Variants in ANTKMT observed in about 807,000 individuals in gnomAD.
The protein encoded by ANTKMT is adenine nucleotide translocase lysine N-methyltransferase.
Under a neutral mutation model 20.7 loss-of-function variants are expected in ANTKMT, and 24 were observed. The observed-to-expected ratio is 1.16, with a 90% CI of 0.84 to 1.63. The LOEUF (loss-of-function observed/expected upper bound fraction) is 1.63, where lower values mean the gene tolerates loss of function less well. ANTKMT is among the 40% of genes most tolerant of loss of function. The probability of loss-of-function intolerance (pLI) is 0.00; values close to 1 mark genes in which losing one functional copy is unlikely to be tolerated. For synonymous variants in ANTKMT, 193 were observed against 161.2 expected (o/e 1.20, Z -1.49); for missense variants, 428 against 334.8 (o/e 1.28, Z -2.17).
At chr16:722,020 G>A (rs2040245978) in intron 3 of ANTKMT, 64 bp from the exon 4 acceptor site, 1 of 1,556,398 alleles carries the variant, frequency 6.4e-7, no homozygotes, top group South Asian at 1.2e-5. Context: ...CCGGGACTCG[G>A]AAGCTGCGAT....
At position 722,244 on chromosome 16, in the gene ANTKMT, GTGAGCGCGGC is replaced by G. The variant is rs1365153842; in HGVS notation, c.460-62_460-53del. ...GGGTGCTAGGCTTGGGGCTAGGGGG[GTGAGCGCGGC>G]TGTTTTCTACCGGCCCCGCCCCCGC... On this transcript the variant is annotated intron_variant, in intron 4 of 4. Transcript: ENST00000569529. 1.9e-6 allele frequency: 3 copies of G among 1,585,778 alleles called. No homozygotes were observed. In the East Asian group the frequency reaches 7.0e-5, roughly 37 times the overall value.
chr16:721,379 C>A lies in ANTKMT; in HGVS notation c.105C>A (p.Tyr35Ter). Residue 35 changes from tyrosine (Y) to a stop codon, truncating the protein, a stop_gained, in exon 1 of 5, where the codon TAC becomes TAA. Transcript: ENST00000569529. LOFTEE classifies it high-confidence loss of function. ...CGGCCGGCTCGGGCTTGGCAGCCTA[C>A]GCGGTGTGGGCGCTGCTGCTCCAGC... ...QAAAGSGLAA[Y>*]AVWALLLQPG... The A allele has an allele frequency of 7.6e-7, 1 of 1,322,360 alleles. No homozygotes were observed. The highest frequency in any genetic ancestry group is 9.6e-7 in the Non-Finnish European group (1 of 1,040,420). 81.9% of individuals were successfully genotyped at this position (1,322,360 alleles called of 1,614,324 possible).
At position 721,614 on chromosome 16, in the gene ANTKMT, C is replaced by T; in HGVS notation, c.179C>T (p.Ala60Val). 6.5e-7 allele frequency: 1 copy of T among 1,544,114 alleles called. No individual in the cohort carries two copies. The highest frequency in any genetic ancestry group is 8.7e-7 in the Non-Finnish European group (1 of 1,145,432). Residue 60 changes from alanine to valine, a missense_variant, in exon 2 of 5, where the codon GCG (alanine) becomes GTG (valine). Physicochemically the swap from Ala to Val is moderately conservative, Grantham distance 64. Transcript: ENST00000569529. ...CCGGTCCAGGTGCCCTACGTCGGCGCGAGCGCGCGGCAGGTGGAGCACGTG... is the reference window on the plus strand; with the variant it reads ...CCGGTCCAGGTGCCCTACGTCGGCGTGAGCGCGCGGCAGGTGGAGCACGTG... ...PLRLQVPYVG[A>V]SARQVEHVLS...
At position 722,444 on chromosome 16, in the gene ANTKMT, G is replaced by A; in HGVS notation, c.595G>A (p.Val199Ile). 6.2e-7 allele frequency: 1 copy of A among 1,610,812 alleles called. No individual in the cohort carries two copies. Among genetic ancestry groups the A allele is most frequent in the Non-Finnish European group, 8.5e-7 (1 of 1,179,048 alleles). The change falls in exon 5 of 5, where the codon GTT becomes ATT. Residue 199 changes from valine (V) to isoleucine (I), a missense_variant. Physicochemically the swap from Val to Ile is conservative, Grantham distance 29. Coordinates refer to ENST00000569529, the MANE Select transcript of ANTKMT (RefSeq NM_023933.3). ...EGLDRVWAYD[V>I]PEGGQAGEAA... ...CCTGGACCGAGTATGGGCTTATGAT[G>A]TTCCTGAGGGTGGGCAGGCTGGGGA...
chr16:721,767 C>T (rs1294942922), intron 2 of ANTKMT, 34 bp from the exon 3 acceptor site: 1 of 1,537,438 alleles, frequency 6.5e-7, no homozygotes, highest in Non-Finnish European at 8.8e-7. Context: ...CGCCCCTGCC[C>T]ACATCCTGGT....
chr16:721,816 A>G lies in ANTKMT; in HGVS notation c.283A>G (p.Arg95Gly). ...GDGRIVLAAH[R>G]CGLRPAVGYE... ...GTGCCCACAGGTGCTGGCGGCCCAC[A>G]GGTGCGGCCTCCGCCCGGCCGTGGG... The change falls in exon 3 of 5, where the codon AGG becomes GGG. Residue 95 changes from arginine (R) to glycine (G), a missense_variant. Coordinates refer to ENST00000569529, the MANE Select transcript of ANTKMT (RefSeq NM_023933.3). The G allele has an allele frequency of 3.2e-6, 5 of 1,551,924 alleles. No individual in the cohort carries two copies. The highest frequency in any genetic ancestry group is 3.5e-6 in the Non-Finnish European group (4 of 1,152,418).
chr16:722,149 G>C lies in ANTKMT; in HGVS notation c.459+15G>C. 1 of 1,602,056 alleles carries C rather than the reference G, an allele frequency of 6.2e-7. No individual in the cohort carries two copies. Among genetic ancestry groups the C allele is most frequent in the South Asian group, 1.1e-5 (1 of 89,360 alleles). On this transcript the variant is annotated intron_variant, in intron 4 of 4. Coordinates refer to ENST00000569529, the MANE Select transcript of ANTKMT (RefSeq NM_023933.3). ...CCCCTAGCGTGGTAGGTGCGGGGTT[G>C]CCAGCCCCGCTGGGAAGCCCCAGCC...
At chr16:721,993 C>A (rs768261938) in intron 3 of ANTKMT, 52 bp downstream of exon 3, 189 of 1,552,112 alleles carry the variant, frequency 1.2e-4, no homozygotes, top group Middle Eastern at 5.1e-4. Flanking sequence ...GCGGCTGACA[C>A]CTGCGAGGGC....
At chr16:721,499 G>C in intron 1 of ANTKMT, 63 bp downstream of exon 1, 1 of 1,423,746 alleles carries the variant, frequency 7.0e-7, no homozygotes, top group East Asian at 2.9e-5. Flanking sequence ...CAAGGTCTGG[G>C]CGTGGCCGGG....
Position 722,365 on chromosome 16 carries a change from G to A in ANTKMT, c.516G>A (p.Val172=), listed in dbSNP as rs1229101231. The A allele has an allele frequency of 1.9e-6, 3 of 1,605,236 alleles. No individual in the cohort carries two copies. Among genetic ancestry groups the A allele is most frequent in the African/African-American group, 1.3e-5 (1 of 74,960 alleles). ...RTELPAGARV[V]SGRFPLPTWQ... is the part of the protein sequence containing the mutation. Reference sequence around the variant, plus strand: ...AGCTGCCTGCTGGGGCCCGCGTGGTGTCTGGGCGCTTCCCACTCCCCACCT... The same window carrying A: ...AGCTGCCTGCTGGGGCCCGCGTGGTATCTGGGCGCTTCCCACTCCCCACCT... Residue 172 remains valine, a synonymous_variant, in exon 5 of 5, where the codon GTG becomes GTA. Transcript: ENST00000569529.
chr16:722,390 T>C lies in ANTKMT; in HGVS notation c.541T>C (p.Trp181Arg). 6.2e-7 allele frequency: 1 copy of C among 1,601,608 alleles called. No individual in the cohort carries two copies. Among genetic ancestry groups the C allele is most frequent in the South Asian group, 1.1e-5 (1 of 89,644 alleles). Reference protein sequence around the residue: ...VVSGRFPLPTWQPVTAVGEGL... With the variant: ...VVSGRFPLPTRQPVTAVGEGL... ...GTCTGGGCGCTTCCCACTCCCCACC[T>C]GGCAGCCTGTGACCGCGGTTGGCGA... Residue 181 changes from tryptophan (W) to arginine (R), a missense_variant, in exon 5 of 5, where the codon TGG becomes CGG. Physicochemically the swap from Trp to Arg is moderately radical, Grantham distance 101. Transcript: ENST00000569529.
At position 722,378 on chromosome 16, in the gene ANTKMT, C is replaced by G. The variant is rs1289183439; in HGVS notation, c.529C>G (p.Pro177Ala). Residue 177 changes from proline (P) to alanine (A), a missense_variant, in exon 5 of 5, where the codon CCA becomes GCA. Transcript: ENST00000569529. ...AGARVVSGRF[P>A]LPTWQPVTAV... ...GGCCCGCGTGGTGTCTGGGCGCTTC[C>G]CACTCCCCACCTGGCAGCCTGTGAC... 2 of 1,602,768 alleles carry G rather than the reference C, an allele frequency of 1.2e-6. No individual in the cohort carries two copies. The highest frequency in any genetic ancestry group is 1.7e-5 in the Admixed American group (1 of 58,592).
Position 721,800 on chromosome 16 carries a change from G to A in ANTKMT, c.268-1G>A, listed in dbSNP as rs1596588412. On this transcript the variant is annotated splice_acceptor_variant, in intron 2 of 4. Coordinates refer to ENST00000569529, the MANE Select transcript of ANTKMT (RefSeq NM_023933.3). LOFTEE classifies it high-confidence loss of function. ...GGTTCCCACACTCTCGGTGCCCACAGGTGCTGGCGGCCCACAGGTGCGGCC... is the reference window on the plus strand; with the variant it reads ...GGTTCCCACACTCTCGGTGCCCACAAGTGCTGGCGGCCCACAGGTGCGGCC... 1.3e-6 allele frequency: 2 copies of A among 1,544,320 alleles called. No individual in the cohort carries two copies. Among genetic ancestry groups the A allele is most frequent in the Middle Eastern group, 1.7e-4 (1 of 5,926 alleles).
intron 4 of ANTKMT, 67 bp from the exon 5 acceptor site, chr16:722,242 G>C (rs1245089879): frequency 3.8e-6 from 6 of 1,584,940 alleles, no homozygotes; most frequent in Non-Finnish European, 5.1e-6. Flanking sequence ...GGGGCTAGGG[G>C]GGTGAGCGCG....
chr16:721,614 C>G lies in ANTKMT; in HGVS notation c.179C>G (p.Ala60Gly). The G allele has an allele frequency of 6.5e-7, 1 of 1,544,114 alleles. No homozygotes were observed. Among genetic ancestry groups the G allele is most frequent in the South Asian group, 1.2e-5 (1 of 83,606 alleles). The change falls in exon 2 of 5, where the codon GCG becomes GGG. Residue 60 changes from alanine to glycine, a missense_variant. Coordinates refer to ENST00000569529, the MANE Select transcript of ANTKMT (RefSeq NM_023933.3). ...PLRLQVPYVG[A>G]SARQVEHVLS... ...CCGGTCCAGGTGCCCTACGTCGGCG[C>G]GAGCGCGCGGCAGGTGGAGCACGTG... is the stretch of plus-strand genomic sequence containing the variant.
rs1596586986 is a variant in ANTKMT at position 721,433 on chromosome 16, G to C, written c.159G>C (p.Leu53=). The change falls in exon 1 of 5, where the codon CTG becomes CTC. Residue 53 remains leucine, a synonymous_variant. Transcript: ENST00000569529. ...QPGFRRVPLR[L]QVPYVGASAR... ...GCTTCCGGCGCGTGCCGCTGCGGCTGCAGGTGCGGGGCGGGGCCAGGCCGG... is the reference window on the plus strand; with the variant it reads ...GCTTCCGGCGCGTGCCGCTGCGGCTCCAGGTGCGGGGCGGGGCCAGGCCGG... 5 of 1,301,546 alleles carry C rather than the reference G, an allele frequency of 3.8e-6. No individual in the cohort carries two copies. The highest frequency in any genetic ancestry group is 3.1e-5 in the African/African-American group (2 of 64,452). The allele number at this position is 1,301,546 out of a possible 1,614,324, so 80.6% of individuals were successfully genotyped here.
chr16:721,226 A>ACC lies in ANTKMT; in HGVS notation c.-47_-46dup. On this transcript the variant is annotated 5_prime_UTR_variant, in exon 1 of 5. Transcript: ENST00000569529. ...CCAGGCCAGGCTGCGAGGGCCGCGG[A>ACC]CCCGAGCCGGGAAGGACCTTGGGCG... 1 of 1,222,878 alleles carries ACC rather than the reference A, an allele frequency of 8.2e-7. No homozygotes were observed. The highest frequency in any genetic ancestry group is 1.0e-6 in the Non-Finnish European group (1 of 980,526). The allele number at this position is 1,222,878 out of a possible 1,614,324, so 75.8% of individuals were successfully genotyped here.
Position 722,536 on chromosome 16 carries a change from C to T in ANTKMT, c.687C>T (p.Gly229=). 1.2e-6 allele frequency: 2 copies of T among 1,608,648 alleles called. No homozygotes were observed. Among genetic ancestry groups the T allele is most frequent in the Non-Finnish European group, 1.7e-6 (2 of 1,178,310 alleles). Residue 229 remains glycine, a synonymous_variant, in exon 5 of 5, where the codon GGC becomes GGT. Transcript: ENST00000569529. ...PGPSSAPIPG[G]LISQAS is the part of the protein sequence containing the mutation. ...CTAGTTCTGCCCCCATCCCGGGGGG[C>T]CTTATTTCTCAGGCCAGCTGAGTAT... is the stretch of plus-strand genomic sequence containing the variant.
rs2040233178 is a variant in ANTKMT at position 721,681 on chromosome 16, G to C, written c.246G>C (p.Leu82=). Residue 82 remains leucine, a synonymous_variant, in exon 2 of 5, where the codon CTG becomes CTC. Coordinates refer to ENST00000569529, the MANE Select transcript of ANTKMT (RefSeq NM_023933.3). The part of the protein sequence containing the change: ...LRGRPGKTVD[L]GSGDGRIVLA... ...GACGCCCCGGAAAAACGGTGGATCT[G>C]GGCTCTGGCGACGGCAGGATCGTAA... 1.3e-5 allele frequency: 20 copies of C among 1,550,518 alleles called. No individual in the cohort carries two copies. Among genetic ancestry groups the C allele is most frequent in the Non-Finnish European group, 1.7e-5 (20 of 1,147,762 alleles).
Sources: gnomAD v4.1 joint callset for allele counts on GRCh38, gnomAD v4.1.1 for gene constraint, MANE v1.5 for transcripts, NCBI Gene and HGNC (gene_info 2026-07-23, HGNC 2026-07-21) for gene names.